SYNDIG1: variants seen among roughly 807,000 people sequenced by gnomAD.
SYNDIG1 encodes synapse differentiation inducing 1, also known as synapse differentiation-inducing gene protein 1.
SYNDIG1 carries 9 observed loss-of-function variants against 19.4 expected under a neutral mutation model. The ratio of observed to expected loss-of-function variants is 0.46; its 90% CI spans 0.28 to 0.81. SYNDIG1 has a LOEUF of 0.81. Among genes scored for constraint, SYNDIG1 ranks in the 30% least tolerant of loss-of-function variants. SYNDIG1 has a pLI of 0.12. For missense variants in SYNDIG1, 311 were observed against 343.3 expected (o/e 0.91, Z 0.74); for synonymous variants, 141 against 145.9 (o/e 0.97, Z 0.24).
chr20:24,654,995 C>T (rs536204385), intron 3 of SYNDIG1, among the ~76,000 whole-genome samples: 31 of 152,306 alleles, frequency 2.0e-4, no homozygotes, highest in African/African-American at 7.2e-4. Flanking sequence ...CTGCCACCCA[C>T]GCATGATGTT....
At chr20:24,626,524 C>G (rs1163367746) in intron 3 of SYNDIG1, among the ~76,000 whole-genome samples, 4 of 151,352 alleles carry the variant, frequency 2.6e-5, no homozygotes, top group South Asian at 4.2e-4. Flanking sequence ...GAATGGCGGC[C>G]GGGAAGAGGC....
At chr20:24,570,703 G>A (rs1338075730) in intron 2 of SYNDIG1, among the ~76,000 whole-genome samples, 2 of 152,172 alleles carry the variant, frequency 1.3e-5, no homozygotes, top group Non-Finnish European at 2.9e-5. Context: ...ATTGCCGGTG[G>A]GAATGCAAAC....
At chr20:24,550,044 G>A (rs1475692894) in intron 2 of SYNDIG1, among the ~76,000 whole-genome samples, 1 of 152,128 alleles carries the variant, frequency 6.6e-6, no homozygotes, top group Non-Finnish European at 1.5e-5. Flanking sequence ...TATGGGTGTA[G>A]GCATGCGGGC....
At chr20:24,486,715 G>A (rs1280177192) in intron 1 of SYNDIG1, among the ~76,000 whole-genome samples, 4 of 151,066 alleles carry the variant, frequency 2.6e-5, no homozygotes, top group Admixed American at 1.3e-4. Flanking sequence ...CTGGAGTGCC[G>A]TGGTGCCATC....
intron 2 of SYNDIG1, among the ~76,000 whole-genome samples, chr20:24,561,930 C>T (rs2057954719): frequency 6.6e-6 from 1 of 152,230 alleles, no homozygotes; most frequent in Non-Finnish European, 1.5e-5. Flanking sequence ...ACTCATTTCT[C>T]TCTGTTGGAG....
At chr20:24,529,243 G>A (rs1191185006) in intron 1 of SYNDIG1, among the ~76,000 whole-genome samples, 1 of 152,116 alleles carries the variant, frequency 6.6e-6, no homozygotes, top group African/African-American at 2.4e-5. Context: ...CATCACTGTT[G>A]ATGGTAATGA....
chr20:24,539,933 C>G (rs1037322447), intron 1 of SYNDIG1, among the ~76,000 whole-genome samples: 1 of 152,106 alleles, frequency 6.6e-6, no homozygotes, highest in Non-Finnish European at 1.5e-5. Context: ...CGCCCACCAC[C>G]ACGCCCAGCT....
At chr20:24,475,591 A>G (rs534978385) in intron 1 of SYNDIG1, among the ~76,000 whole-genome samples, 68 of 152,196 alleles carry the variant, frequency 4.5e-4, no homozygotes, top group Non-Finnish European at 6.9e-4. Context: ...GCTTGTAGTC[A>G]TAGATGATTG....
intron 2 of SYNDIG1, among the ~76,000 whole-genome samples, chr20:24,544,840 C>T (rs974021283): frequency 2.6e-5 from 4 of 152,128 alleles, no homozygotes; most frequent in African/African-American, 9.7e-5. Flanking sequence ...GGAGAAACTG[C>T]CCAGCTGCAG....
At chr20:24,580,110 C>A (rs1006208456) in intron 2 of SYNDIG1, among the ~76,000 whole-genome samples, 1 of 152,158 alleles carries the variant, frequency 6.6e-6, no homozygotes, top group Non-Finnish European at 1.5e-5. Context: ...ATTGCAGACT[C>A]CTTCGCAATG....
intron 1 of SYNDIG1, among the ~76,000 whole-genome samples, chr20:24,529,894 G>GGTGTCAGTGGTGGGGATGGTGATGGTGGT (rs2057209817): frequency 2.8e-4 from 1 of 3,582 alleles, no homozygotes; most frequent in Admixed American, 3.3e-3. Context: ...ATGGTGGTGA[G>GGTGTCAGTGGTGGGGATGGTGATGGTGGT]GGTGATGGTA....
At chr20:24,496,463 A>T (rs1327992599) in intron 1 of SYNDIG1, among the ~76,000 whole-genome samples, 1 of 152,124 alleles carries the variant, frequency 6.6e-6, no homozygotes, top group African/African-American at 2.4e-5. Context: ...ATTCCTTAAG[A>T]TTTTATCCTT....
chr20:24,477,084 C>T (rs1227331374), intron 1 of SYNDIG1, among the ~76,000 whole-genome samples: 1 of 152,242 alleles, frequency 6.6e-6, no homozygotes, highest in African/African-American at 2.4e-5. Flanking sequence ...CTGTAGCTTC[C>T]TTCCTTGCCT....
At chr20:24,545,949 T>C (rs2057567993) in intron 2 of SYNDIG1, among the ~76,000 whole-genome samples, 1 of 152,234 alleles carries the variant, frequency 6.6e-6, no homozygotes, top group South Asian at 2.1e-4. Context: ...GTTGTTTACT[T>C]AGGCACTTTA....
At chr20:24,641,731 G>T (rs1372357469) in intron 3 of SYNDIG1, among the ~76,000 whole-genome samples, 2 of 152,126 alleles carry the variant, frequency 1.3e-5, no homozygotes, top group Non-Finnish European at 2.9e-5. Flanking sequence ...CCACCAGGCA[G>T]CCAAGGATGG....
rs532130838 is a variant in SYNDIG1, at chr20:24,618,302, G to A, written c.618+33309G>A. 5.4e-5 allele frequency among the ~76,000 whole-genome samples: 8 copies of A among 148,282 alleles called. No individual in the cohort carries two copies. The Middle Eastern group carries it at 0.011, about 212-fold the overall frequency. On this transcript the variant is annotated intron_variant, in intron 3 of 3. Coordinates refer to ENST00000376862, the MANE Select transcript of SYNDIG1 (RefSeq NM_024893.3). ...GGGTCCTGAGGGACAGCCCAGGGAAGGGGGAGAGCCCAGTGAGGGCAGAGA... is the reference window on the plus strand; with the variant it reads ...GGGTCCTGAGGGACAGCCCAGGGAAAGGGGAGAGCCCAGTGAGGGCAGAGA...
At chr20:24,532,159 T>G (rs2057273471) in intron 1 of SYNDIG1, among the ~76,000 whole-genome samples, 1 of 152,210 alleles carries the variant, frequency 6.6e-6, no homozygotes. Context: ...ACACACTGTC[T>G]TATCAACCAT....
chr20:24,471,602 TAAAAAAA>T (rs11442019), intron 1 of SYNDIG1, among the ~76,000 whole-genome samples: 168 of 132,962 alleles, frequency 1.3e-3, no homozygotes, highest in Non-Finnish European at 2.3e-3. Flanking sequence ...AGGGCCTTGT[TAAAAAAA>T]AAAAAAAAAA....
intron 3 of SYNDIG1, among the ~76,000 whole-genome samples, chr20:24,602,663 C>G (rs1360149843): frequency 2.0e-5 from 3 of 152,206 alleles, no homozygotes; most frequent in Non-Finnish European, 4.4e-5. Flanking sequence ...TGTCCTCTCC[C>G]TGGCCTTGGC....
Sources: gnomAD v4.1 joint callset for allele counts (sites outside exome capture counted in the v4.1 genomes callset) on GRCh38, gnomAD v4.1.1 for gene constraint, MANE v1.5 for transcripts, NCBI Gene and HGNC (gene_info 2026-07-23, HGNC 2026-07-21) for gene names.